The following HPSE2 variants were observed in gnomAD, a reference collection of about 807,000 sequenced individuals.
The protein encoded by HPSE2 is heparanase 2 (inactive).
A neutral mutation model predicts 60.5 loss-of-function variants in HPSE2; 38 were observed. The ratio of observed to expected loss-of-function variants is 0.63; its 90% CI spans 0.48 to 0.82. The LOEUF (loss-of-function observed/expected upper bound fraction) is 0.82, where lower values mean the gene tolerates loss of function less well. Among genes scored for constraint, HPSE2 ranks in the 40% least tolerant of loss-of-function variants. HPSE2 has a pLI of 0.00. For missense variants in HPSE2, 713 were observed against 740.4 expected (o/e 0.96, Z 0.43); for synonymous variants, 295 against 293.2 (o/e 1.01, Z -0.06).
rs370999978 is a variant in HPSE2, at chr10:98,721,823, T to C, written c.790A>G (p.Asn264Asp). 3.7e-6 allele frequency: 6 copies of C among 1,613,402 alleles called. No individual in the cohort carries two copies. The highest frequency in any genetic ancestry group is 5.1e-6 in the Non-Finnish European group (6 of 1,179,718). The change falls in exon 5 of 12, where the codon AAT (asparagine) becomes GAT (aspartate). Residue 264 changes from asparagine (N) to aspartate (D), a missense_variant. Coordinates refer to ENST00000370552, the MANE Select transcript of HPSE2 (RefSeq NM_021828.5). ...NISWELGNEP[N>D]NYRTMHGRAV... ...CGGCCATGCATGGTCCGATAGTTATTTGGCTCTAGATTAAAAGCAGACATG... is the reference window on the plus strand; with the variant it reads ...CGGCCATGCATGGTCCGATAGTTATCTGGCTCTAGATTAAAAGCAGACATG...
chr10:98,887,301 T>C (rs1953193228), intron 3 of HPSE2, among the ~76,000 whole-genome samples: 1 of 152,104 alleles, frequency 6.6e-6, no homozygotes, highest in African/African-American at 2.4e-5. Context: ...GGGAAAAAGA[T>C]AATATGGCCT....
chr10:98,664,810 C>A (rs1212739372), intron 6 of HPSE2, among the ~76,000 whole-genome samples: 4 of 152,150 alleles, frequency 2.6e-5, no homozygotes, highest in African/African-American at 9.7e-5. Flanking sequence ...ACTCATCTTA[C>A]GTCACAAACA....
intron 9 of HPSE2, among the ~76,000 whole-genome samples, chr10:98,537,761 C>T (rs1416262540): frequency 6.6e-6 from 1 of 152,192 alleles, no homozygotes; most frequent in African/African-American, 2.4e-5. Flanking sequence ...CACTCTGCTC[C>T]ACCAGCTTCT....
intron 3 of HPSE2, among the ~76,000 whole-genome samples, chr10:99,120,803 C>T (rs188121282): frequency 4.1e-4 from 62 of 152,226 alleles, no homozygotes; most frequent in Non-Finnish European, 7.2e-4. Context: ...AAAGTCAAAA[C>T]ATAACAGATG....
At chr10:98,877,202 T>C (rs901642743) in intron 3 of HPSE2, among the ~76,000 whole-genome samples, 11 of 152,056 alleles carry the variant, frequency 7.2e-5, no homozygotes, top group African/African-American at 2.6e-4. Flanking sequence ...GATGGAAAGC[T>C]TGAAACTTAA....
intron 3 of HPSE2, among the ~76,000 whole-genome samples, chr10:98,896,167 C>T (rs1953487336): frequency 6.6e-6 from 1 of 151,716 alleles, no homozygotes; most frequent in Admixed American, 6.6e-5. Flanking sequence ...TACCATTTTT[C>T]TCATGTTTCA....
At chr10:99,102,498 C>A (rs1202629360) in intron 3 of HPSE2, among the ~76,000 whole-genome samples, 3 of 152,062 alleles carry the variant, frequency 2.0e-5, no homozygotes, top group Non-Finnish European at 2.9e-5. Flanking sequence ...TAATACCCTA[C>A]CAACCAAAAA....
At chr10:99,023,870 C>A (rs1372685919) in intron 3 of HPSE2, among the ~76,000 whole-genome samples, 6 of 152,060 alleles carry the variant, frequency 3.9e-5, no homozygotes, top group Non-Finnish European at 5.9e-5. Context: ...CCAAGAAGGA[C>A]AGCTACAAAT....
At chr10:99,036,761 C>T (rs988566541) in intron 3 of HPSE2, among the ~76,000 whole-genome samples, 4 of 152,040 alleles carry the variant, frequency 2.6e-5, no homozygotes, top group African/African-American at 9.7e-5. Flanking sequence ...CAATCTCTGC[C>T]CAAGATACTT....
chr10:98,476,490 GA>G (rs903316746), intron 11 of HPSE2, among the ~76,000 whole-genome samples: 22 of 145,702 alleles, frequency 1.5e-4, no homozygotes, highest in Admixed American at 1.1e-3. Context: ...AAAAGAAAAA[GA>G]AAAAAAAAAG....
intron 2 of HPSE2, among the ~76,000 whole-genome samples, chr10:99,184,813 TATATATAGAGAGAGAGAGAGAGAGAGAG>T (rs1564878103): frequency 3.2e-5 from 1 of 30,956 alleles, no homozygotes; most frequent in Non-Finnish European, 9.1e-5. Context: ...TATATATATA[TATATATAGAGAGAGAGAGAGAGAGAGAG>T]AGAGAGAGAG....
intron 3 of HPSE2, among the ~76,000 whole-genome samples, chr10:99,013,612 C>T (rs1376234265): frequency 6.6e-6 from 1 of 152,058 alleles, no homozygotes; most frequent in Non-Finnish European, 1.5e-5. Flanking sequence ...GCTGGTATTA[C>T]AGGTGCGTGC....
At chr10:98,572,447 G>T (rs969969336) in intron 9 of HPSE2, among the ~76,000 whole-genome samples, 2 of 152,074 alleles carry the variant, frequency 1.3e-5, no homozygotes, top group Non-Finnish European at 1.5e-5. Context: ...TTGGCTGCTT[G>T]CTCTAATTTT....
At chr10:98,937,924 G>A (rs1406720959) in intron 3 of HPSE2, among the ~76,000 whole-genome samples, 7 of 143,436 alleles carry the variant, frequency 4.9e-5, no homozygotes, top group Admixed American at 1.4e-4. Context: ...CAGCATTCGC[G>A]GTTCATAAAA....
intron 3 of HPSE2, among the ~76,000 whole-genome samples, chr10:98,998,461 G>T (rs1301746403): frequency 6.6e-6 from 1 of 152,156 alleles, no homozygotes; most frequent in African/African-American, 2.4e-5. Flanking sequence ...ATTTTGGCTG[G>T]TAGTATCTGC....
intron 11 of HPSE2, among the ~76,000 whole-genome samples, chr10:98,475,891 C>T (rs934521948): frequency 1.3e-5 from 2 of 152,070 alleles, no homozygotes; most frequent in Non-Finnish European, 2.9e-5. Context: ...TAAACTAGTT[C>T]AACCATTGTG....
intron 3 of HPSE2, among the ~76,000 whole-genome samples, chr10:98,881,349 G>T (rs906807418): frequency 1.3e-5 from 2 of 152,028 alleles, no homozygotes; most frequent in African/African-American, 4.8e-5. Flanking sequence ...ATGGATGAAG[G>T]TAGGGGTTGC....
At chr10:98,852,107 A>G (rs1452308769) in intron 3 of HPSE2, among the ~76,000 whole-genome samples, 1 of 118,144 alleles carries the variant, frequency 8.5e-6, no homozygotes, top group Non-Finnish European at 1.8e-5. Context: ...AACCTTGTAT[A>G]TTATGATGTG....
chr10:98,776,739 G>A (rs1033143828), intron 3 of HPSE2, among the ~76,000 whole-genome samples: 2 of 151,362 alleles, frequency 1.3e-5, no homozygotes, highest in African/African-American at 2.4e-5. Context: ...GGGGTAGTGG[G>A]TGGGAATAGC....
Sources: allele counts gnomAD v4.1 joint callset (sites outside exome capture counted in the v4.1 genomes callset), GRCh38; gene constraint gnomAD v4.1.1; transcripts MANE v1.5; gene names NCBI Gene and HGNC (gene_info 2026-07-23, HGNC 2026-07-21).